The following LRRC4C variants were observed in gnomAD, a reference collection of about 807,000 sequenced individuals.
LRRC4C encodes leucine-rich repeat-containing protein 4C.
A neutral mutation model predicts 33.6 loss-of-function variants in LRRC4C; 5 were observed. The observed-to-expected ratio is 0.15, with a 90% CI of 0.08 to 0.31. The LOEUF is 0.31. LRRC4C is among the 10% of genes least tolerant of loss of function. LRRC4C has a pLI of 1.00. For synonymous variants in LRRC4C, 329 were observed against 302.0 expected, an observed-to-expected ratio of 1.09 and a Z score of -0.93; for missense variants, 560 against 796.7, an observed-to-expected ratio of 0.70 and a Z score of 3.58.
chr11:40,566,828 C>A (rs573860449), intron 3 of LRRC4C, among the ~76,000 whole-genome samples: 43 of 152,154 alleles, frequency 2.8e-4, no homozygotes, highest in African/African-American at 9.1e-4. Context: ...TGAAAAGGAA[C>A]CTAATTTCTT....
rs1171927741 is a variant in LRRC4C at position 40,114,244 on chromosome 11, C to A, written c.*126G>T. ...AATAGAATTTTTAATAAATAAATTT[C>A]TTTTCTTTTTTGTTTTTTTGTAAAG... On this transcript the variant is annotated 3_prime_UTR_variant, in exon 7 of 7. Coordinates refer to ENST00000528697, the MANE Select transcript of LRRC4C (RefSeq NM_001258419.2). 1.9e-5 allele frequency: 20 copies of A among 1,065,494 alleles called. No homozygotes were observed. Among genetic ancestry groups the A allele is most frequent in the African/African-American group, 1.6e-5 (1 of 61,904 alleles). 66.0% of individuals were successfully genotyped at this position (1,065,494 alleles called of 1,614,324 possible). A position where few individuals can be genotyped will look rare whatever the true frequency, so the allele number is the denominator to read the frequency against.
intron 3 of LRRC4C, among the ~76,000 whole-genome samples, chr11:40,389,640 A>C (rs1949261160): frequency 6.6e-6 from 1 of 152,160 alleles, no homozygotes; most frequent in African/African-American, 2.4e-5. Flanking sequence ...AGGAGTTGTT[A>C]ATAATTATTA....
intron 1 of LRRC4C, among the ~76,000 whole-genome samples, chr11:41,003,137 C>G (rs543877130): frequency 6.6e-6 from 1 of 152,140 alleles, no homozygotes; most frequent in South Asian, 2.1e-4. Flanking sequence ...AACATGAGAA[C>G]TGTAAACTAA....
At chr11:40,618,810 C>T (rs2861934) in intron 3 of LRRC4C, among the ~76,000 whole-genome samples, 6 of 151,512 alleles carry the variant, frequency 4.0e-5, no homozygotes, top group Non-Finnish European at 5.9e-5. Context: ...AACGACACTT[C>T]CGGTCTTTCA....
intron 3 of LRRC4C, among the ~76,000 whole-genome samples, chr11:40,614,348 T>C (rs1053103298): frequency 1.7e-4 from 26 of 151,868 alleles, no homozygotes; most frequent in Non-Finnish European, 3.4e-4. Context: ...GCTTCTTTCC[T>C]TAAAGCTCAT....
chr11:40,155,275 C>T (rs1467692394), intron 5 of LRRC4C, among the ~76,000 whole-genome samples: 1 of 151,832 alleles, frequency 6.6e-6, no homozygotes, highest in African/African-American at 2.4e-5. Flanking sequence ...TACAAAGAGA[C>T]AATCTAAGGT....
At chr11:40,909,434 C>T (rs1318676909) in intron 2 of LRRC4C, among the ~76,000 whole-genome samples, 1 of 152,024 alleles carries the variant, frequency 6.6e-6, no homozygotes, top group Non-Finnish European at 1.5e-5. Context: ...AGGCTATTAA[C>T]TAGCAAAGAA....
chr11:40,844,524 A>T (rs1482952634), intron 2 of LRRC4C, among the ~76,000 whole-genome samples: 1 of 152,182 alleles, frequency 6.6e-6, no homozygotes, highest in African/African-American at 2.4e-5. Flanking sequence ...TAGTGATATG[A>T]CTGTAAAAGA....
At chr11:41,392,405 T>C (rs1321442568) in intron 1 of LRRC4C, among the ~76,000 whole-genome samples, 6 of 151,812 alleles carry the variant, frequency 4.0e-5, no homozygotes, top group African/African-American at 1.2e-4. Flanking sequence ...TATATTTCAA[T>C]ATATTAGCAG....
At chr11:41,322,381 A>T (rs980594521) in intron 1 of LRRC4C, among the ~76,000 whole-genome samples, 7 of 148,824 alleles carry the variant, frequency 4.7e-5, no homozygotes, top group African/African-American at 1.7e-4. Flanking sequence ...TTCTATCTTT[A>T]TTTTTTTTTT....
chr11:41,180,692 A>T (rs1400122703), intron 1 of LRRC4C, among the ~76,000 whole-genome samples: 2 of 152,154 alleles, frequency 1.3e-5, no homozygotes, highest in East Asian at 1.9e-4. Flanking sequence ...GACTAAAGTC[A>T]CTCAAGGGCT....
intron 1 of LRRC4C, among the ~76,000 whole-genome samples, chr11:40,962,256 A>G (rs1221811156): frequency 6.6e-6 from 1 of 151,542 alleles, no homozygotes; most frequent in Non-Finnish European, 1.5e-5. Flanking sequence ...GAATCAAGCA[A>G]TGGAGGGAGG....
chr11:40,884,966 C>T (rs551331021), intron 2 of LRRC4C, among the ~76,000 whole-genome samples: 2 of 152,010 alleles, frequency 1.3e-5, no homozygotes, highest in South Asian at 2.1e-4. Context: ...ATAATAGACA[C>T]TGGAACTTCA....
chr11:40,287,252 C>CTGTGTGTGTG, intron 4 of LRRC4C, among the ~76,000 whole-genome samples: 1 of 103,636 alleles, frequency 9.6e-6, no homozygotes, highest in South Asian at 3.8e-4. Context: ...CTTAATGTCA[C>CTGTGTGTGTG]TGTATGTGTG....
At chr11:41,129,935 C>A (rs1270836187) in intron 1 of LRRC4C, among the ~76,000 whole-genome samples, 2 of 151,894 alleles carry the variant, frequency 1.3e-5, no homozygotes, top group Non-Finnish European at 2.9e-5. Flanking sequence ...TTACATCTTT[C>A]CTCTTATGGC....
intron 1 of LRRC4C, among the ~76,000 whole-genome samples, chr11:41,112,315 A>G (rs1310322889): frequency 6.6e-6 from 1 of 152,086 alleles, no homozygotes; most frequent in African/African-American, 2.4e-5. Flanking sequence ...GAGAGCAGAC[A>G]CTTCGGCAGA....
intron 2 of LRRC4C, among the ~76,000 whole-genome samples, chr11:40,822,403 C>A (rs1036488588): frequency 1.3e-5 from 2 of 151,062 alleles, no homozygotes; most frequent in African/African-American, 2.4e-5. Context: ...TTTAAAAAAT[C>A]CATTCATTCA....
At chr11:41,215,406 T>G (rs1320202862) in intron 1 of LRRC4C, among the ~76,000 whole-genome samples, 1 of 149,306 alleles carries the variant, frequency 6.7e-6, no homozygotes, top group East Asian at 2.0e-4. Flanking sequence ...AAGAATTGCT[T>G]GAACCCATGA....
chr11:40,833,295 C>G (rs1952502147), intron 2 of LRRC4C, among the ~76,000 whole-genome samples: 1 of 151,920 alleles, frequency 6.6e-6, no homozygotes, highest in Admixed American at 6.6e-5. Flanking sequence ...AAGATAAATT[C>G]AAAACCCAGT....
Sources: gnomAD v4.1 joint callset for allele counts (sites outside exome capture counted in the v4.1 genomes callset) on GRCh38, gnomAD v4.1.1 for gene constraint, MANE v1.5 for transcripts, NCBI Gene and HGNC (gene_info 2026-07-23, HGNC 2026-07-21) for gene names.